Variants in SPIDR observed in about 807,000 individuals in gnomAD.
SPIDR encodes DNA repair-scaffolding protein.
In SPIDR, 93 loss-of-function variants were observed where a neutral mutation model predicts 104.6. The observed-to-expected ratio is 0.89, with a 90% confidence interval of 0.75 to 1.06. The LOEUF (loss-of-function observed/expected upper bound fraction) is 1.06, where lower values mean the gene tolerates loss of function less well. Among genes scored for constraint, SPIDR ranks in the 50% least tolerant of loss-of-function variants. The pLI is 0.00. For synonymous variants in SPIDR, 431 were observed against 416.9 expected (o/e 1.03, Z -0.41); for missense variants, 1,154 against 1,111.2 (o/e 1.04, Z -0.55).
At chr8:47,679,572 A>G (rs1173260258) in intron 11 of SPIDR, among the ~76,000 whole-genome samples, 2 of 136,576 alleles carry the variant, frequency 1.5e-5, no homozygotes, top group African/African-American at 5.8e-5. Flanking sequence ...GGCCTGTGCC[A>G]TGTGCCCGCC....
intron 11 of SPIDR, among the ~76,000 whole-genome samples, chr8:47,675,831 AT>A (rs1299240892): frequency 6.6e-6 from 1 of 152,206 alleles, no homozygotes; most frequent in Non-Finnish European, 1.5e-5. Flanking sequence ...AAGAATATTC[AT>A]TGTAAACATT....
chr8:47,617,109 C>T (rs1292226580), intron 10 of SPIDR, among the ~76,000 whole-genome samples: 1 of 152,144 alleles, frequency 6.6e-6, no homozygotes, highest in East Asian at 1.9e-4. Flanking sequence ...ATTTTCATTA[C>T]ATCCTATCAA....
At chr8:47,573,271 T>C (rs1048013570) in intron 8 of SPIDR, among the ~76,000 whole-genome samples, 19 of 152,146 alleles carry the variant, frequency 1.2e-4, no homozygotes, top group Non-Finnish European at 5.9e-5. Flanking sequence ...AAGTGACTAG[T>C]TAAAAGTTTA....
intron 7 of SPIDR, among the ~76,000 whole-genome samples, chr8:47,436,321 T>G (rs995229579): frequency 3.3e-5 from 5 of 152,250 alleles, no homozygotes; most frequent in Non-Finnish European, 1.5e-5. Flanking sequence ...GTAGCAGTTA[T>G]GGAAAATGTT....
chr8:47,302,851 C>G (rs1257186908), intron 5 of SPIDR, among the ~76,000 whole-genome samples: 2 of 152,194 alleles, frequency 1.3e-5, no homozygotes, highest in African/African-American at 4.8e-5. Flanking sequence ...TGTCAGTCTG[C>G]CCCTACTGGG....
chr8:47,686,172 G>A (rs1325476467), intron 11 of SPIDR, among the ~76,000 whole-genome samples: 5 of 152,176 alleles, frequency 3.3e-5, no homozygotes, highest in Non-Finnish European at 5.9e-5. Context: ...AGCATCTGTT[G>A]TGGATTAATT....
intron 1 of SPIDR, among the ~76,000 whole-genome samples, chr8:47,266,097 G>A (rs1188061668): frequency 6.7e-6 from 1 of 149,934 alleles, no homozygotes; most frequent in South Asian, 2.1e-4. Context: ...ATGATTTATC[G>A]AAGTTGTTGT....
chr8:47,335,587 A>T (rs546801707), intron 5 of SPIDR, among the ~76,000 whole-genome samples: 5 of 152,272 alleles, frequency 3.3e-5, no homozygotes, highest in Admixed American at 3.3e-4. Context: ...AGTAGCTAGG[A>T]TTACAGGTGT....
chr8:47,404,178 T>TA (rs1429714575), intron 6 of SPIDR, among the ~76,000 whole-genome samples: 2 of 152,360 alleles, frequency 1.3e-5, no homozygotes, highest in African/African-American at 4.8e-5. Flanking sequence ...ATCCCTTCCT[T>TA]ACACCTTATA....
At chr8:47,646,442 C>T (rs935022249) in intron 10 of SPIDR, among the ~76,000 whole-genome samples, 4 of 152,278 alleles carry the variant, frequency 2.6e-5, no homozygotes, top group Non-Finnish European at 5.9e-5. Context: ...AACAGATATA[C>T]TTGTGTATAT....
At chr8:47,263,338 C>T (rs1452310527) in intron 1 of SPIDR, among the ~76,000 whole-genome samples, 3 of 152,136 alleles carry the variant, frequency 2.0e-5, no homozygotes, top group South Asian at 4.1e-4. Flanking sequence ...GTGGTAATTG[C>T]GTATGTTCTT....
At chr8:47,421,413 G>T (rs1554680423) in intron 7 of SPIDR, among the ~76,000 whole-genome samples, 1 of 152,120 alleles carries the variant, frequency 6.6e-6, no homozygotes, top group South Asian at 2.1e-4. Context: ...GGCCACTGAG[G>T]CTTGTGGGTT....
rs191261282 is a variant in SPIDR, at chr8:47,718,585, G to C, written c.2341+4944G>C. On this transcript the variant is annotated intron_variant, in intron 16 of 19. Coordinates refer to ENST00000297423, the MANE Select transcript of SPIDR (RefSeq NM_001080394.4). ...TTTTAACATGAGCACTAGTCAGGAA[G>C]ATGAATTACTATCCTCATGGTTTAA... 2.0e-4 allele frequency among the ~76,000 whole-genome samples: 30 copies of C among 151,668 alleles called. 1 individual carries two copies. Among genetic ancestry groups the C allele is most frequent in the Middle Eastern group, 3.4e-3 (1 of 294 alleles).
At chr8:47,463,784 G>T (rs928389435) in intron 8 of SPIDR, among the ~76,000 whole-genome samples, 1 of 152,178 alleles carries the variant, frequency 6.6e-6, no homozygotes, top group East Asian at 1.9e-4. Flanking sequence ...TTTAATTGAT[G>T]CAGGAAAAGC....
rs553262682 is a variant in SPIDR, at chr8:47,403,613, A to G, written c.777-4248A>G. On this transcript the variant is annotated intron_variant, in intron 6 of 19. Transcript: ENST00000297423. ...AACTCCCATTCACAATTGCTTCAAAAAGAATAAAATACCTAGGAATCCAAC... is the reference window on the plus strand; with the variant it reads ...AACTCCCATTCACAATTGCTTCAAAGAGAATAAAATACCTAGGAATCCAAC... Among the ~76,000 whole-genome samples, 97 of 152,312 alleles carry G rather than the reference A, an allele frequency of 6.4e-4. 2 individuals are homozygous for G. Among genetic ancestry groups the G allele is most frequent in the Admixed American group, 4.2e-3 (64 of 15,288 alleles).
chr8:47,437,319 C>T (rs2068527443), intron 7 of SPIDR, among the ~76,000 whole-genome samples: 1 of 150,210 alleles, frequency 6.7e-6, no homozygotes, highest in Admixed American at 6.7e-5. Flanking sequence ...GTTCAATTCC[C>T]ACCTGTGAGT....
intron 5 of SPIDR, among the ~76,000 whole-genome samples, chr8:47,311,766 T>C (rs1213511503): frequency 6.6e-6 from 1 of 152,036 alleles, no homozygotes; most frequent in East Asian, 1.9e-4. Flanking sequence ...ATGTGCACAA[T>C]GTGCGGGTTT....
intron 5 of SPIDR, among the ~76,000 whole-genome samples, chr8:47,314,598 T>C (rs781967431): frequency 6.6e-6 from 1 of 152,126 alleles, no homozygotes; most frequent in Non-Finnish European, 1.5e-5. Flanking sequence ...CAGATCTCCT[T>C]AGAACTCACT....
chr8:47,569,371 G>C (rs2058258504), intron 8 of SPIDR, among the ~76,000 whole-genome samples: 1 of 152,132 alleles, frequency 6.6e-6, no homozygotes, highest in South Asian at 2.1e-4. Context: ...CTAGAAAGAA[G>C]ATCAGTAGGA....
Sources: allele counts gnomAD v4.1 joint callset (sites outside exome capture counted in the v4.1 genomes callset), GRCh38; gene constraint gnomAD v4.1.1; transcripts MANE v1.5; gene names NCBI Gene and HGNC (gene_info 2026-07-23, HGNC 2026-07-21).